The following TCOF1 variants were observed in gnomAD, a reference collection of about 807,000 sequenced individuals.
TCOF1 encodes the protein treacle protein.
TCOF1 carries 33 observed loss-of-function variants against 149.0 expected under a neutral mutation model. That is an observed-to-expected ratio of 0.22 (90% CI 0.17 to 0.30). The LOEUF (loss-of-function observed/expected upper bound fraction) is 0.30. Ranked by LOEUF, TCOF1 falls within the 10% of genes least tolerant of loss-of-function variation. The pLI is 1.00. For synonymous variants in TCOF1, 789 were observed against 738.8 expected, an observed-to-expected ratio of 1.07 and a Z score of -1.10; for missense variants, 1,728 against 1,840.7, an observed-to-expected ratio of 0.94 and a Z score of 1.12.
chr5:150,364,048 C>G lies in TCOF1; in HGVS notation c.165-65C>G. ...GCTGGAAGGATGCGGGAAGGTCTGT[C>G]TAGTCAATTCTTGTGGAGTTGTTCT... On this transcript the variant is annotated intron_variant, in intron 2 of 26. Transcript: ENST00000643257. 6 of 1,611,810 alleles carry G rather than the reference C, an allele frequency of 3.7e-6. No homozygotes were observed. In the South Asian group the frequency reaches 6.6e-5, roughly 18 times the overall value.
At position 150,399,986 on chromosome 5, in the gene TCOF1, A is replaced by T. The variant is rs972457048; in HGVS notation, c.*199A>T. On this transcript the variant is annotated 3_prime_UTR_variant, in exon 27 of 27. Coordinates refer to ENST00000643257, the MANE Select transcript of TCOF1 (RefSeq NM_001371623.1). ...CTGCGGGGAGGCTGGTCCAAGGAGA[A>T]AGTGGACCAGCTCCCATGACCTCAC... 6.6e-6 allele frequency: 1 copy of T among 152,374 alleles called. No individual in the cohort carries two copies. The highest frequency in any genetic ancestry group is 2.4e-5 in the African/African-American group (1 of 41,432). 9.4% of individuals were successfully genotyped at this position (152,374 alleles called of 1,614,324 possible).
At position 150,398,436 on chromosome 5, in the gene TCOF1, G is replaced by A; in HGVS notation, c.4428G>A (p.Lys1476=). 1 of 1,614,102 alleles carries A rather than the reference G, an allele frequency of 6.2e-7. No individual in the cohort carries two copies. Among genetic ancestry groups the A allele is most frequent in the East Asian group, 2.2e-5 (1 of 44,886 alleles). ...STKDSESPSQ[K]KKKKKKKTAE... ...AAGATTCTGAGTCACCGTCCCAGAA[G>A]AAAAAGAAGAAAAAGGTAGAGAGTT... The change falls in exon 25 of 27, where the codon AAG becomes AAA. Residue 1476 remains lysine, a synonymous_variant. Coordinates refer to ENST00000643257, the MANE Select transcript of TCOF1 (RefSeq NM_001371623.1).
rs754879351 is a variant in TCOF1, at chr5:150,388,078, C to T, written c.3036C>T (p.Cys1012=). ...AGGACGTGATCCCCGCTACACAGTG[C>T]TTGACTCCTGGTGAGCGCAGCCCTT... ...EDEDVIPATQ[C]LTPGIRTNVV... is the part of the protein sequence containing the mutation. Residue 1012 remains cysteine (C), a synonymous_variant, in exon 18 of 27, where the codon TGC becomes TGT. Coordinates refer to ENST00000643257, the MANE Select transcript of TCOF1 (RefSeq NM_001371623.1). The T allele has an allele frequency of 1.9e-6, 3 of 1,613,224 alleles. No individual in the cohort carries two copies. Among genetic ancestry groups the T allele is most frequent in the South Asian group, 2.2e-5 (2 of 91,060 alleles).
chr5:150,379,674 G>A lies in TCOF1; in HGVS notation c.2801G>A (p.Ser934Asn). 6.2e-7 allele frequency: 1 copy of A among 1,614,238 alleles called. No homozygotes were observed. Among genetic ancestry groups the A allele is most frequent in the African/African-American group, 1.3e-5 (1 of 75,074 alleles). The change falls in exon 17 of 27, where the codon AGC becomes AAC. Residue 934 changes from serine (S) to asparagine (N), a missense_variant. Coordinates refer to ENST00000643257, the MANE Select transcript of TCOF1 (RefSeq NM_001371623.1). The stretch of plus-strand genomic sequence containing the variant: ...GCAGGGAAGCAGGATGACTCAGGGA[G>A]CAGCAGCGAGGAATCAGACAGTGAT... ...AQAGKQDDSG[S>N]SSEESDSDGE...
At chr5:150,383,177 G>A (rs946934685) in intron 17 of TCOF1, 35 of 1,534,154 alleles carry the variant, frequency 2.3e-5, no homozygotes, top group East Asian at 2.0e-4. Flanking sequence ...ACCCAGGTGC[G>A]CCATGCCTTC....
At chr5:150,364,369 T>G in intron 3 of TCOF1, 117 bp downstream of exon 3, 1 of 1,446,198 alleles carries the variant, frequency 6.9e-7, no homozygotes, top group Non-Finnish European at 9.5e-7. Context: ...GGGAGGAGAT[T>G]GGGAGGGCAC....
Position 150,391,471 on chromosome 5 carries a change from A to G in TCOF1, c.3184-73A>G, listed in dbSNP as rs1355254956. On this transcript the variant is annotated intron_variant, in intron 19 of 26. Transcript: ENST00000643257. The stretch of plus-strand genomic sequence containing the variant: ...CCAGCCCTCACCCCAGCCAGACAGC[A>G]TCTGACCAGGGTGTGGCACAGCTGG... 15 of 1,336,450 alleles carry G rather than the reference A, an allele frequency of 1.1e-5. 1 individual carries two copies. In the East Asian group the frequency reaches 1.6e-4, roughly 14 times the overall value. 82.8% of individuals were successfully genotyped at this position (1,336,450 alleles called of 1,614,324 possible).
At chr5:150,358,631 G>A (rs1445291573) in intron 1 of TCOF1, among the ~76,000 whole-genome samples, 1 of 152,150 alleles carries the variant, frequency 6.6e-6, no homozygotes, top group Non-Finnish European at 1.5e-5. Context: ...GAGGTCAGAA[G>A]TTCGAGACCA....
intron 22 of TCOF1, 50 bp downstream of exon 22, chr5:150,392,840 C>T (rs1360294809): frequency 1.3e-6 from 2 of 1,587,072 alleles, no homozygotes; most frequent in African/African-American, 2.7e-5. Flanking sequence ...GGGTGGAGCC[C>T]CAGGCCAGGC....
At chr5:150,389,014 G>A (rs1008977544) in intron 18 of TCOF1, among the ~76,000 whole-genome samples, 13 of 152,070 alleles carry the variant, frequency 8.5e-5, no homozygotes, top group Non-Finnish European at 4.4e-5. Context: ...GCCAAGGTAG[G>A]AAGATCGCTT....
chr5:150,392,419 CA>C (rs1767633695), intron 21 of TCOF1: 6 of 610,396 alleles, frequency 9.8e-6, no homozygotes, highest in South Asian at 8.1e-5. Context: ...CACTGGCTCC[CA>C]AAAACTCCAG....
At chr5:150,378,730 G>T in intron 14 of TCOF1, 175 bp from the exon 15 acceptor site, 1 of 800,846 alleles carries the variant, frequency 1.2e-6, no homozygotes, top group Non-Finnish European at 2.1e-6. Flanking sequence ...ATCTCCATTT[G>T]ATAGAGGACT....
intron 14 of TCOF1, among the ~76,000 whole-genome samples, chr5:150,377,207 G>C (rs77987711): frequency 0.057 from 8,720 of 152,286 alleles, 337 homozygotes; most frequent in East Asian, 0.11. Flanking sequence ...GGGATGGCTG[G>C]CAGTTGTTTA....
intron 2 of TCOF1, 102 bp from the exon 3 acceptor site, chr5:150,364,011 T>C: frequency 1.3e-6 from 2 of 1,556,430 alleles, no homozygotes; most frequent in South Asian, 2.3e-5. Flanking sequence ...TCTATGCACA[T>C]TGCCTTTAAG....
At position 150,372,228 on chromosome 5, in the gene TCOF1, C is replaced by G. The variant is rs748805008; in HGVS notation, c.862C>G (p.Arg288Gly). ...ESEEEAPAGT[R>G]SQVKASEKIL... is the part of the protein sequence containing the mutation. The stretch of plus-strand genomic sequence containing the variant: ...TGAGGAGGAGGCCCCTGCAGGGACA[C>G]GAAGCCAGGTGAGGCCTGGAGGAGG... Residue 288 changes from arginine to glycine, a missense_variant, in exon 7 of 27, where the codon CGA becomes GGA. Arg to Gly is a moderately radical substitution (Grantham distance 125, BLOSUM62 -2). This residue lies in a region of TCOF1 where 1,696 missense variants were observed against 1,765.4 expected (regional missense o/e 0.96). Transcript: ENST00000643257. 16 of 1,609,674 alleles carry G rather than the reference C, an allele frequency of 9.9e-6. No individual in the cohort carries two copies. In the South Asian group the frequency reaches 1.5e-4, roughly 16 times the overall value.
intron 17 of TCOF1, chr5:150,383,031 C>A: frequency 2.0e-6 from 3 of 1,508,242 alleles, no homozygotes; most frequent in Admixed American, 2.1e-5. Context: ...CACTCCCCGA[C>A]CACGTGCTTA....
intron 1 of TCOF1, among the ~76,000 whole-genome samples, chr5:150,358,709 C>T (rs1412049298): frequency 1.3e-5 from 2 of 152,108 alleles, no homozygotes; most frequent in African/African-American, 4.8e-5. Context: ...TGTTGGCGCA[C>T]GCCTGTAATC....
intron 11 of TCOF1, 46 bp from the exon 12 acceptor site, chr5:150,375,675 C>T (rs1168362988): frequency 1.2e-6 from 2 of 1,613,654 alleles, no homozygotes; most frequent in Non-Finnish European, 1.7e-6. Flanking sequence ...TGTCTGCACA[C>T]ACCTACCCTG....
At chr5:150,362,614 C>T (rs1198315230) in intron 2 of TCOF1, among the ~76,000 whole-genome samples, 1 of 152,134 alleles carries the variant, frequency 6.6e-6, no homozygotes, top group Non-Finnish European at 1.5e-5. Flanking sequence ...GGTGGGCTCC[C>T]TGTCATTAGA....
Sources: gnomAD v4.1 joint callset for allele counts (sites outside exome capture counted in the v4.1 genomes callset) on GRCh38, gnomAD v4.1.1 for gene constraint, gnomAD v4.1.1 regional missense constraint, MANE v1.5 for transcripts, NCBI Gene and HGNC (gene_info 2026-07-23, HGNC 2026-07-21) for gene names.